The following PRRC2C variants were observed in gnomAD, a reference collection of about 807,000 sequenced individuals.
The protein encoded by PRRC2C is proline rich coiled-coil 2C, also known as protein PRRC2C.
PRRC2C carries 72 observed loss-of-function variants against 317.2 expected under a neutral mutation model. The observed-to-expected ratio is 0.23, with a 90% CI of 0.19 to 0.28. The LOEUF (loss-of-function observed/expected upper bound fraction) is 0.28. PRRC2C is among the 10% of genes least tolerant of loss of function. The pLI is 1.00. For missense variants in PRRC2C, 3,074 were observed against 3,459.7 expected (o/e 0.89, Z 2.80); for synonymous variants, 1,296 against 1,205.9 (o/e 1.07, Z -1.55).
At chr1:171,588,243 A>G (rs971650193) in intron 32 of PRRC2C, 136 bp from the exon 33 acceptor site, 8 of 965,464 alleles carry the variant, frequency 8.3e-6, no homozygotes, top group Non-Finnish European at 1.3e-5. Flanking sequence ...TTCTACCAGA[A>G]TGTTTTGGTA....
chr1:171,522,223 C>T lies in PRRC2C; in HGVS notation c.797C>T (p.Pro266Leu). The T allele has an allele frequency of 6.3e-7, 1 of 1,598,260 alleles. No homozygotes were observed. Among genetic ancestry groups the T allele is most frequent in the Non-Finnish European group, 8.6e-7 (1 of 1,167,246 alleles). Reference protein sequence around the residue: ...PRMTYPPLHGPMRFPPSLSET... With the variant: ...PRMTYPPLHGLMRFPPSLSET... ...ATGACATATCCTCCTCTACATGGTC[C>T]CATGAGATTCCCACCTTCTTTATCT... The change falls in exon 7 of 35, where the codon CCC becomes CTC. Residue 266 changes from proline (P) to leucine (L), a missense_variant. Pro to Leu is a moderately conservative substitution (Grantham distance 98). Coordinates refer to ENST00000647382, the MANE Select transcript of PRRC2C (RefSeq NM_001387844.1).
chr1:171,525,165 G>C (rs1453802843), intron 10 of PRRC2C, among the ~76,000 whole-genome samples, 200 bp downstream of exon 10: 1 of 152,132 alleles, frequency 6.6e-6, no homozygotes, highest in Non-Finnish European at 1.5e-5. Context: ...AGTAGCTAAA[G>C]TTATCAAGTG....
At chr1:171,518,653 A>G (rs1335852777) in intron 6 of PRRC2C, among the ~76,000 whole-genome samples, 3 of 120,722 alleles carry the variant, frequency 2.5e-5, no homozygotes, top group Non-Finnish European at 4.9e-5. Flanking sequence ...ATATGCCACC[A>G]CACCTGGCTT....
At chr1:171,503,963 C>G (rs573266317) in intron 1 of PRRC2C, among the ~76,000 whole-genome samples, 4 of 152,222 alleles carry the variant, frequency 2.6e-5, no homozygotes, top group East Asian at 3.9e-4. Flanking sequence ...AGGAAAAACC[C>G]GTCCCCATGA....
At chr1:171,548,923 C>T (rs1679671675) in intron 17 of PRRC2C, among the ~76,000 whole-genome samples, 1 of 152,048 alleles carries the variant, frequency 6.6e-6, no homozygotes, top group Non-Finnish European at 1.5e-5. Flanking sequence ...TTGATCTCAG[C>T]TCATTGCAGT....
intron 6 of PRRC2C, among the ~76,000 whole-genome samples, chr1:171,521,963 TTATTC>T (rs1673666955): frequency 1.3e-5 from 2 of 152,192 alleles, no homozygotes; most frequent in African/African-American, 4.8e-5. Flanking sequence ...TGTGCTCTAG[TTATTC>T]TATTTATAAA....
intron 1 of PRRC2C, 92 bp downstream of exon 1, chr1:171,485,827 C>T (rs1665923086): frequency 6.6e-6 from 1 of 152,162 alleles, no homozygotes; most frequent in African/African-American, 2.4e-5. Context: ...CGCACCCAGA[C>T]CCTGGCGCCC....
intron 22 of PRRC2C, among the ~76,000 whole-genome samples, chr1:171,567,264 C>T (rs1572050958): frequency 6.6e-6 from 1 of 152,086 alleles, no homozygotes; most frequent in African/African-American, 2.4e-5. Flanking sequence ...GAACAGATTA[C>T]TGTTTCTTTG....
rs887461045 is a variant in PRRC2C at position 171,549,547 on chromosome 1, A to G, written c.4973-539A>G. 2.6e-5 allele frequency among the ~76,000 whole-genome samples: 4 copies of G among 152,104 alleles called. No individual in the cohort carries two copies. In the East Asian group the frequency reaches 7.7e-4, roughly 29 times the overall value. ...TACTTAAGGAAAAGAAAAAAGACCT[A>G]TATCATTCAAAACAGGTATTTTTAG... On this transcript the variant is annotated intron_variant, in intron 17 of 34. Transcript: ENST00000647382.
chr1:171,558,325 A>G (rs1681843832), intron 19 of PRRC2C, among the ~76,000 whole-genome samples, 182 bp downstream of exon 19: 1 of 151,820 alleles, frequency 6.6e-6, no homozygotes, highest in African/African-American at 2.4e-5. Flanking sequence ...TAACAAGCAT[A>G]TTATATTTTA....
At chr1:171,511,191 C>T (rs1440470382) in intron 1 of PRRC2C, 1 of 84,206 alleles carries the variant, frequency 1.2e-5, no homozygotes, top group Admixed American at 1.2e-4. Context: ...TACAATAACC[C>T]CTCAAAAACA....
chr1:171,506,755 G>T (rs917595139), intron 1 of PRRC2C, among the ~76,000 whole-genome samples: 2 of 150,042 alleles, frequency 1.3e-5, no homozygotes, highest in South Asian at 2.1e-4. Context: ...TTCATAAAGG[G>T]TTGCAGCCTG....
intron 6 of PRRC2C, 44 bp from the exon 7 acceptor site, chr1:171,522,133 C>T: frequency 1.8e-6 from 2 of 1,094,254 alleles, no homozygotes; most frequent in East Asian, 2.5e-5. Context: ...TTTAAAATAA[C>T]TAGGTTGCTA....
intron 18 of PRRC2C, among the ~76,000 whole-genome samples, chr1:171,554,912 A>G (rs1557990752): frequency 6.6e-6 from 1 of 152,012 alleles, no homozygotes; most frequent in African/African-American, 2.4e-5. Flanking sequence ...CTTCATTTCA[A>G]CCTTGGTGAA....
chr1:171,510,765 G>GT (rs1671229785), intron 1 of PRRC2C: 1 of 152,182 alleles, frequency 6.6e-6, no homozygotes, highest in Admixed American at 6.5e-5. Context: ...TATCTACACT[G>GT]TTATGTGGGA....
chr1:171,523,508 T>C lies in PRRC2C; in HGVS notation c.1041T>C (p.Pro347=). The change falls in exon 9 of 35, where the codon CCT becomes CCC. Residue 347 remains proline, a synonymous_variant. Coordinates refer to ENST00000647382, the MANE Select transcript of PRRC2C (RefSeq NM_001387844.1). ...SDDDEQGSNS[P]KENNSEDQGS... is the part of the protein sequence containing the mutation. ...ATGATGAACAAGGAAGTAACAGTCC[T>C]AAAGAGAATAACAGGTAAGTTGTGA... is the stretch of plus-strand genomic sequence containing the variant. The C allele has an allele frequency of 6.2e-7, 1 of 1,609,312 alleles. No homozygotes were observed. The highest frequency in any genetic ancestry group is 8.5e-7 in the Non-Finnish European group (1 of 1,177,544).
At chr1:171,530,617 C>T (rs1049197197) in intron 11 of PRRC2C, among the ~76,000 whole-genome samples, 1 of 149,518 alleles carries the variant, frequency 6.7e-6, no homozygotes, top group East Asian at 2.2e-4. Context: ...AAGACTTGAA[C>T]ATTTGTTTCT....
At chr1:171,509,788 C>T (rs1286169604) in intron 1 of PRRC2C, 1 of 150,190 alleles carries the variant, frequency 6.7e-6, no homozygotes, top group Non-Finnish European at 1.5e-5. Flanking sequence ...TCATTTTTAT[C>T]CTATTTCTAG....
At chr1:171,543,161 A>G (rs1368356724) in intron 16 of PRRC2C, among the ~76,000 whole-genome samples, 3 of 149,800 alleles carry the variant, frequency 2.0e-5, no homozygotes, top group East Asian at 2.0e-4. Flanking sequence ...CAAGGTCAGG[A>G]TATCGAGACC....
Sources: allele counts gnomAD v4.1 joint callset (sites outside exome capture counted in the v4.1 genomes callset), GRCh38; gene constraint gnomAD v4.1.1; transcripts MANE v1.5; gene names NCBI Gene and HGNC (gene_info 2026-07-23, HGNC 2026-07-21).